The following ZRANB1 variants were observed in gnomAD, a reference collection of about 807,000 sequenced individuals.
ZRANB1 encodes the protein zinc finger RANBP2-type containing 1, also known as ubiquitin thioesterase ZRANB1.
ZRANB1 carries 16 observed loss-of-function variants against 80.5 expected under a neutral mutation model. The observed-to-expected ratio is 0.20, with a 90% CI of 0.13 to 0.30. ZRANB1 has a LOEUF of 0.30. ZRANB1 is among the 10% of genes least tolerant of loss of function. The probability of loss-of-function intolerance (pLI) is 1.00; values close to 1 mark genes in which losing one functional copy is unlikely to be tolerated. For missense variants in ZRANB1, 576 were observed against 862.6 expected, an observed-to-expected ratio of 0.67 and a Z score of 4.16; for synonymous variants, 291 against 293.1, an observed-to-expected ratio of 0.99 and a Z score of 0.07.
chr10:124,931,185 C>T, the ZRANB1 span, among the ~76,000 whole-genome samples: 70 of 152,242 alleles, frequency 4.6e-4, 1 homozygote, highest in Middle Eastern at 0.01. Context: ...AAGTGATCCT[C>T]TCACCTCAGC....
intron 8 of ZRANB1, 64 bp from the exon 9 acceptor site, chr10:124,984,708 TCA>T (rs1206663593): frequency 2.5e-5 from 38 of 1,518,130 alleles, no homozygotes; most frequent in Non-Finnish European, 3.2e-5. Flanking sequence ...GGTTTCCATG[TCA>T]CATTCCTACC....
the ZRANB1 span, among the ~76,000 whole-genome samples, chr10:124,931,995 C>A: frequency 6.6e-6 from 1 of 152,200 alleles, no homozygotes; most frequent in Non-Finnish European, 1.5e-5. Flanking sequence ...CTAACTCTTG[C>A]AATCCCCTGA....
chr10:124,936,154 G>T, the ZRANB1 span, among the ~76,000 whole-genome samples: 3 of 152,276 alleles, frequency 2.0e-5, no homozygotes, highest in Non-Finnish European at 4.4e-5. Flanking sequence ...GGCGTGTGTG[G>T]CATGTTTGGG....
Position 124,942,255 on chromosome 10 carries a change from G to T in ZRANB1, c.-239G>T. The T allele has an allele frequency of 7.4e-7, 1 of 1,344,404 alleles. No individual in the cohort carries two copies. Among genetic ancestry groups the T allele is most frequent in the Non-Finnish European group, 9.5e-7 (1 of 1,048,676 alleles). 83.3% of individuals were successfully genotyped at this position (1,344,404 alleles called of 1,614,324 possible). A position where few individuals can be genotyped will look rare whatever the true frequency, so the allele number is the denominator to read the frequency against. On this transcript the variant is annotated 5_prime_UTR_variant, in exon 1 of 9. Coordinates refer to ENST00000359653, the MANE Select transcript of ZRANB1 (RefSeq NM_017580.3). ...AAGTTCAGTTTTATTAAATCCCAGG[G>T]TCTAAGATTTTTTCTTTGAGAATTT...
intron 1 of ZRANB1, among the ~76,000 whole-genome samples, chr10:124,965,706 A>G (rs1409011596): frequency 6.6e-6 from 1 of 152,232 alleles, no homozygotes; most frequent in African/African-American, 2.4e-5. Context: ...GGTCCCATAA[A>G]TAATTTTTTA....
intron 1 of ZRANB1, among the ~76,000 whole-genome samples, chr10:124,965,870 T>C (rs1488143230): frequency 6.6e-6 from 1 of 152,210 alleles, no homozygotes; most frequent in Non-Finnish European, 1.5e-5. Context: ...AATGGTTCAG[T>C]GGTAATGGAA....
Position 124,985,187 on chromosome 10 carries a change from T to C in ZRANB1, c.*195T>C, listed in dbSNP as rs1952005826. ...TGCGTGAGGAGACAGAGAACTTTAG[T>C]TGGACTACAGTTTGTAAAAAAAACT... On this transcript the variant is annotated 3_prime_UTR_variant, in exon 9 of 9. Transcript: ENST00000359653. 1 of 515,588 alleles carries C rather than the reference T, an allele frequency of 1.9e-6. No homozygotes were observed. The highest frequency in any genetic ancestry group is 1.9e-5 in the African/African-American group (1 of 52,274). The allele number at this position is 515,588 out of a possible 1,614,324, so 31.9% of individuals were successfully genotyped here.
rs141705876 is a variant in ZRANB1, at chr10:124,943,427, G to C, written c.814+120G>C. ...CTTAGCCACTTGCTTGAAACCAGGA[G>C]TTTGAGGCTGTAGTATGCCATGATC... On this transcript the variant is annotated intron_variant, in intron 1 of 8. Transcript: ENST00000359653. 7.9e-4 allele frequency: 713 copies of C among 904,614 alleles called. 4 individuals carry two copies. In the African/African-American group the frequency reaches 0.011, roughly 14 times the overall value. 56.0% of individuals were successfully genotyped at this position (904,614 alleles called of 1,614,324 possible).
intron 1 of ZRANB1, among the ~76,000 whole-genome samples, chr10:124,944,927 G>A (rs1951567156): frequency 6.6e-6 from 1 of 151,922 alleles, no homozygotes; most frequent in Admixed American, 6.5e-5. Flanking sequence ...TGAGGATGAG[G>A]GGATGAAAAC....
chr10:124,918,868 G>A, the ZRANB1 span, among the ~76,000 whole-genome samples: 24 of 152,122 alleles, frequency 1.6e-4, no homozygotes, highest in Admixed American at 4.6e-4. Flanking sequence ...GGGGGTTTAC[G>A]AGATAGTAGG....
intron 1 of ZRANB1, among the ~76,000 whole-genome samples, chr10:124,953,007 C>T (rs1194051379): frequency 7.9e-5 from 12 of 152,106 alleles, no homozygotes; most frequent in Admixed American, 7.9e-4. Context: ...TGACTGCAAC[C>T]TCTGCCTCCC....
chr10:124,975,199 A>G (rs893735263), intron 5 of ZRANB1, among the ~76,000 whole-genome samples: 26 of 151,978 alleles, frequency 1.7e-4, no homozygotes. Context: ...TTATTTTGCA[A>G]ATTTTCAAAC....
intron 1 of ZRANB1, among the ~76,000 whole-genome samples, chr10:124,952,707 T>G (rs1045737273): frequency 2.6e-5 from 4 of 151,930 alleles, no homozygotes; most frequent in African/African-American, 4.8e-5. Context: ...GCCTCCTGAG[T>G]TCAAGTGATT....
chr10:124,978,168 G>C (rs1172742393), intron 5 of ZRANB1, among the ~76,000 whole-genome samples: 1 of 152,166 alleles, frequency 6.6e-6, no homozygotes. Context: ...CATAGTTCTT[G>C]TGTTGAGTTG....
chr10:124,932,585 C>A, the ZRANB1 span, among the ~76,000 whole-genome samples: 1 of 150,140 alleles, frequency 6.7e-6, no homozygotes, highest in Non-Finnish European at 1.5e-5. Context: ...TTTTGAATTC[C>A]CACCAGCAAT....
intron 1 of ZRANB1, among the ~76,000 whole-genome samples, chr10:124,966,312 C>T (rs979457142): frequency 6.6e-6 from 1 of 151,886 alleles, no homozygotes; most frequent in African/African-American, 2.4e-5. Context: ...TATTGATCTT[C>T]GATCCAATTC....
At chr10:124,922,337 T>TATATGTAAAATATATATATATATATATA in the ZRANB1 span, among the ~76,000 whole-genome samples, 54 of 34,772 alleles carry the variant, frequency 1.6e-3, 2 homozygotes, top group African/African-American at 3.4e-3. Flanking sequence ...TATATATATA[T>TATATGTAAAATATATATATATATATATA]TTTTTTTTTA....
At chr10:124,919,996 T>A in the ZRANB1 span, among the ~76,000 whole-genome samples, 3 of 137,268 alleles carry the variant, frequency 2.2e-5, no homozygotes, top group African/African-American at 8.1e-5. Flanking sequence ...CTCGGTTCAC[T>A]ACAACCTCCG....
At chr10:124,931,955 C>G in the ZRANB1 span, among the ~76,000 whole-genome samples, 2 of 152,270 alleles carry the variant, frequency 1.3e-5, no homozygotes, top group East Asian at 3.9e-4. Context: ...TCTAAAACTC[C>G]TCTGTGCTCT....
Sources: allele counts gnomAD v4.1 joint callset (sites outside exome capture counted in the v4.1 genomes callset), GRCh38; gene constraint gnomAD v4.1.1; transcripts MANE v1.5; gene names NCBI Gene and HGNC (gene_info 2026-07-23, HGNC 2026-07-21).